Variants in ADGRV1 observed in about 807,000 individuals in gnomAD.
ADGRV1 encodes G-protein coupled receptor 98.
ADGRV1 carries 359 observed loss-of-function variants against 596.2 expected under a neutral mutation model. That is an observed-to-expected ratio of 0.60 (90% CI 0.55 to 0.66). The LOEUF (loss-of-function observed/expected upper bound fraction) is 0.66, where lower values mean the gene tolerates loss of function less well. Ranked by LOEUF, ADGRV1 falls within the 30% of genes least tolerant of loss-of-function variation. The pLI is 0.00. For synonymous variants in ADGRV1, 2,681 were observed against 2,679.2 expected (o/e 1.00, Z -0.02); for missense variants, 7,274 against 7,575.6 (o/e 0.96, Z 1.48).
rs575863053 is a variant in ADGRV1 at position 91,074,090 on chromosome 5, G to A, written c.18310+1486G>A. ...TTCTACTTTTTCACGGGACACAGAA[G>A]TTATCTAGAAGCTATGCTTGTTTTT... On this transcript the variant is annotated intron_variant, in intron 86 of 89. Transcript: ENST00000405460. Among the ~76,000 whole-genome samples the A allele has an allele frequency of 2.0e-5, 3 of 152,288 alleles. No homozygotes were observed. The South Asian group carries it at 6.2e-4, about 32-fold the overall frequency.
At chr5:90,643,662 T>G (rs2149432640) in intron 13 of ADGRV1, 141 bp from the exon 14 acceptor site, 1 of 558,702 alleles carries the variant, frequency 1.8e-6, no homozygotes, top group South Asian at 3.6e-5. Context: ...TTTAAAGAAA[T>G]GATACCACCT....
chr5:90,918,482 G>T (rs1773585299), intron 83 of ADGRV1, among the ~76,000 whole-genome samples: 1 of 152,148 alleles, frequency 6.6e-6, no homozygotes, highest in Admixed American at 6.5e-5. Context: ...GGTGTGAGAG[G>T]TAGATAGCAA....
chr5:90,918,111 C>T (rs1347390743), intron 83 of ADGRV1, among the ~76,000 whole-genome samples: 2 of 151,958 alleles, frequency 1.3e-5, no homozygotes, highest in African/African-American at 4.8e-5. Flanking sequence ...TCTGAATAGA[C>T]TTGCTAAGGC....
chr5:90,807,342 A>G (rs1404184996), intron 72 of ADGRV1, among the ~76,000 whole-genome samples: 1 of 152,214 alleles, frequency 6.6e-6, no homozygotes, highest in Non-Finnish European at 1.5e-5. Flanking sequence ...TAACACCAGT[A>G]TCTTTTCACT....
At chr5:90,816,018 A>G (rs1457210237) in intron 75 of ADGRV1, among the ~76,000 whole-genome samples, 13 of 152,196 alleles carry the variant, frequency 8.5e-5, no homozygotes. Context: ...CTCACTCTAC[A>G]TACATACCAT....
intron 83 of ADGRV1, among the ~76,000 whole-genome samples, chr5:90,914,890 A>C (rs961764133): frequency 2.6e-5 from 4 of 152,166 alleles, no homozygotes; most frequent in Non-Finnish European, 4.4e-5. Flanking sequence ...CAAATTCTCT[A>C]AGTAACCACT....
intron 83 of ADGRV1, among the ~76,000 whole-genome samples, chr5:90,874,781 C>T (rs530261894): frequency 2.6e-5 from 4 of 151,946 alleles, no homozygotes; most frequent in Non-Finnish European, 1.5e-5. Flanking sequence ...TGGCGTGAAC[C>T]CAGGAGGCGG....
intron 78 of ADGRV1, 93 bp downstream of exon 78, chr5:90,841,078 G>T: frequency 2.4e-6 from 2 of 817,646 alleles, no homozygotes; most frequent in Non-Finnish European, 3.6e-6. Flanking sequence ...TTTTAACATT[G>T]GTTATTATGA....
chr5:91,163,422 A>G (rs1797116194), intron 89 of ADGRV1, among the ~76,000 whole-genome samples: 1 of 152,104 alleles, frequency 6.6e-6, no homozygotes, highest in African/African-American at 2.4e-5. Context: ...AGCAAATCCT[A>G]CCCCACTGGT....
intron 20 of ADGRV1, among the ~76,000 whole-genome samples, chr5:90,657,157 A>G (rs1340758823): frequency 6.6e-6 from 1 of 150,990 alleles, no homozygotes; most frequent in Non-Finnish European, 1.5e-5. Flanking sequence ...CATGCCTGTA[A>G]TTGCGCCTCA....
intron 84 of ADGRV1, among the ~76,000 whole-genome samples, chr5:90,979,871 A>C (rs1446872214): frequency 6.6e-6 from 1 of 152,202 alleles, no homozygotes; most frequent in Non-Finnish European, 1.5e-5. Flanking sequence ...ACCCAAATCA[A>C]GTTACTAATA....
chr5:91,086,925 C>T (rs537663830), intron 86 of ADGRV1, among the ~76,000 whole-genome samples: 40 of 152,330 alleles, frequency 2.6e-4, no homozygotes, highest in African/African-American at 9.1e-4. Flanking sequence ...ACCTGGCCCT[C>T]AATATTCCTT....
chr5:90,794,328 A>T (rs1760424084), intron 70 of ADGRV1, among the ~76,000 whole-genome samples: 1 of 152,188 alleles, frequency 6.6e-6, no homozygotes, highest in African/African-American at 2.4e-5. Context: ...TAAGTTGTTA[A>T]CACCTGGTTA....
intron 67 of ADGRV1, among the ~76,000 whole-genome samples, chr5:90,785,727 C>T (rs937665242): frequency 2.0e-5 from 3 of 152,094 alleles, no homozygotes; most frequent in Non-Finnish European, 2.9e-5. Context: ...GTTAGAATGG[C>T]GATCATTAAA....
intron 84 of ADGRV1, among the ~76,000 whole-genome samples, chr5:90,976,322 GTATATA>G (rs70973719): frequency 0.023 from 2,516 of 108,584 alleles, 72 homozygotes; most frequent in African/African-American, 0.081. Context: ...GTGTGTGTGT[GTATATA>G]TATATATATA....
chr5:91,077,329 C>A (rs1224080314), intron 86 of ADGRV1, among the ~76,000 whole-genome samples: 1 of 152,154 alleles, frequency 6.6e-6, no homozygotes, highest in Non-Finnish European at 1.5e-5. Flanking sequence ...TAGAACTGAG[C>A]TCCAAGCTAA....
chr5:90,633,662 C>G (rs1221089091), intron 9 of ADGRV1, among the ~76,000 whole-genome samples: 1 of 151,664 alleles, frequency 6.6e-6, no homozygotes. Context: ...GAAAGAATGA[C>G]AGTTATGTGA....
chr5:91,000,460 T>C (rs922409869), intron 85 of ADGRV1, among the ~76,000 whole-genome samples: 2 of 152,218 alleles, frequency 1.3e-5, no homozygotes, highest in African/African-American at 4.8e-5. Context: ...ATTGGAATTA[T>C]GAAACTGTCT....
At chr5:90,875,955 A>G (rs1037067779) in intron 83 of ADGRV1, among the ~76,000 whole-genome samples, 1 of 152,246 alleles carries the variant, frequency 6.6e-6, no homozygotes, top group African/African-American at 2.4e-5. Flanking sequence ...AAATATGGCT[A>G]TAAATATCAA....
Sources: gnomAD v4.1 joint callset for allele counts (sites outside exome capture counted in the v4.1 genomes callset) on GRCh38, gnomAD v4.1.1 for gene constraint, MANE v1.5 for transcripts, NCBI Gene and HGNC (gene_info 2026-07-23, HGNC 2026-07-21) for gene names.